The following SYNE1 variants were observed in gnomAD, a reference collection of about 807,000 sequenced individuals.
SYNE1 encodes nesprin-1.
Under a neutral mutation model 1,111.0 loss-of-function variants are expected in SYNE1, and 616 were observed. The observed-to-expected ratio is 0.55, with a 90% CI of 0.52 to 0.59. The LOEUF (loss-of-function observed/expected upper bound fraction) is 0.59, where lower values mean the gene tolerates loss of function less well. Among genes scored for constraint, SYNE1 ranks in the 20% least tolerant of loss-of-function variants. SYNE1 has a pLI of 0.00. For missense variants in SYNE1, 10,006 were observed against 10,417.0 expected, an observed-to-expected ratio of 0.96 and a Z score of 1.72; for synonymous variants, 3,855 against 3,825.8, an observed-to-expected ratio of 1.01 and a Z score of -0.28.
chr6:152,155,245 T>A (rs905579861), intron 132 of SYNE1: 36 of 572,168 alleles, frequency 6.3e-5, no homozygotes, highest in East Asian at 1.5e-4. Flanking sequence ...TTTATTTTTT[T>A]AAAAACACGT....
At chr6:152,218,436 T>TA (rs1401362691) in intron 120 of SYNE1, 33 bp from the exon 121 acceptor site, 1 of 1,541,176 alleles carries the variant, frequency 6.5e-7, no homozygotes, top group Non-Finnish European at 8.7e-7. Flanking sequence ...GGTATTTCAG[T>TA]TAAAAAAAAA....
chr6:152,459,210 T>G (rs1226080928), intron 21 of SYNE1, among the ~76,000 whole-genome samples: 3 of 152,216 alleles, frequency 2.0e-5, no homozygotes, highest in Non-Finnish European at 4.4e-5. Flanking sequence ...TCTAAATGAT[T>G]GTTTTTAGTG....
intron 76 of SYNE1, chr6:152,336,003 T>A (rs2153986857): frequency 6.6e-6 from 1 of 151,292 alleles, no homozygotes; most frequent in South Asian, 2.1e-4. Context: ...TCCTATATAT[T>A]TTAAATTATT....
In SYNE1 at chr6:152,190,359, C is replaced by T. The variant is rs141840591; in HGVS notation, c.23146-952G>A. On this transcript the variant is annotated intron_variant, in intron 127 of 145. Coordinates refer to ENST00000367255, the MANE Select transcript of SYNE1 (RefSeq NM_182961.4). ...TCTTGAACCCCCTCAAAGTCATCCA[C>T]GACAGCTGGAATCAACTTCTTCCAA... Among the ~76,000 whole-genome samples the T allele has an allele frequency of 2.4e-3, 369 of 152,314 alleles. 1 individual carries two copies. The highest frequency in any genetic ancestry group is 8.6e-3 in the African/African-American group (356 of 41,562).
At position 152,201,938 on chromosome 6, in the gene SYNE1, T is replaced by G; in HGVS notation, c.23031A>C (p.Lys7677Asn). The G allele has an allele frequency of 6.2e-7, 1 of 1,613,826 alleles. No individual in the cohort carries two copies. The highest frequency in any genetic ancestry group is 2.2e-5 in the East Asian group (1 of 44,872). The change falls in exon 127 of 146, where the codon AAA becomes AAC. Residue 7677 changes from lysine to asparagine, a missense_variant. This residue lies in a region of SYNE1 where 2,182 missense variants were observed against 2,287.8 expected (regional missense o/e 0.95). Coordinates refer to ENST00000367255, the MANE Select transcript of SYNE1 (RefSeq NM_182961.4). ...GGGAATCTGCTATTCCTTTCTCACATTTTTCCCAGTCCTATCATGGGAATA... is the reference window on the plus strand; with the variant it reads ...GGGAATCTGCTATTCCTTTCTCACAGTTTTCCCAGTCCTATCATGGGAATA... ...KLAFLLKDWE[K>N]CEKGIADSLE...
chr6:152,398,685 T>G lies in SYNE1; in HGVS notation c.7284A>C (p.Ala2428=), dbSNP rs886043162. 6.2e-7 allele frequency: 1 copy of G among 1,614,060 alleles called. No homozygotes were observed. The part of the protein sequence containing the change: ...FQEWFLGAKA[A]AKESSDRTGD... ...CGGTGCGATCTGATGATTCTTTTGC[T>G]GCTGCCTTTGCTCCCAAAAACCATT... Residue 2428 remains alanine, a synonymous_variant, in exon 49 of 146, where the codon GCA becomes GCC. Transcript: ENST00000367255.
intron 95 of SYNE1, among the ~76,000 whole-genome samples, chr6:152,292,128 A>G (rs1483782457): frequency 6.6e-6 from 1 of 152,206 alleles, no homozygotes; most frequent in Non-Finnish European, 1.5e-5. Context: ...CGCTGGCAAC[A>G]GAAAACTGAA....
At chr6:152,224,197 T>C (rs1443469581) in intron 117 of SYNE1, among the ~76,000 whole-genome samples, 1 of 152,162 alleles carries the variant, frequency 6.6e-6, no homozygotes, top group Non-Finnish European at 1.5e-5. Context: ...GCAGTGACAA[T>C]GAATCAAGGA....
At position 152,326,209 on chromosome 6, in the gene SYNE1, G is replaced by A. The variant is rs111613513; in HGVS notation, c.15293+87C>T. The A allele has an allele frequency of 1.4e-4, 231 of 1,610,584 alleles. No homozygotes were observed. The African/African-American group carries it at 1.8e-3, about 12-fold the overall frequency. ...GATACTCAGGGAAAAATGAATTTAC[G>A]TGCTAATGTATATCATTCGTGTATT... On this transcript the variant is annotated intron_variant, in intron 79 of 145. Coordinates refer to ENST00000367255, the MANE Select transcript of SYNE1 (RefSeq NM_182961.4).
At chr6:152,293,884 TG>T in intron 94 of SYNE1, 75 bp downstream of exon 94, 1 of 1,610,322 alleles carries the variant, frequency 6.2e-7, no homozygotes, top group Non-Finnish European at 8.5e-7. Flanking sequence ...GTAAACTCTC[TG>T]CATGTATTTC....
intron 11 of SYNE1, among the ~76,000 whole-genome samples, chr6:152,495,791 G>A (rs1479944706): frequency 6.6e-6 from 1 of 152,222 alleles, no homozygotes; most frequent in Admixed American, 6.5e-5. Flanking sequence ...AGCAGCAGGG[G>A]CCACGTGCAT....
intron 130 of SYNE1, among the ~76,000 whole-genome samples, chr6:152,174,144 A>T (rs576286295): frequency 6.6e-6 from 1 of 152,208 alleles, no homozygotes; most frequent in Admixed American, 6.5e-5. Context: ...AATATTAACT[A>T]GTTTAACTGG....
At chr6:152,611,793 C>CT (rs2099632057) in intron 3 of SYNE1, among the ~76,000 whole-genome samples, 1 of 152,118 alleles carries the variant, frequency 6.6e-6, no homozygotes, top group Non-Finnish European at 1.5e-5. Flanking sequence ...TCACAACAAA[C>CT]TGTCTCTCAG....
intron 93 of SYNE1, among the ~76,000 whole-genome samples, chr6:152,295,176 CT>C (rs1413028608): frequency 6.6e-6 from 1 of 152,188 alleles, no homozygotes; most frequent in Non-Finnish European, 1.5e-5. Context: ...ATCTTGCACA[CT>C]GGTTCACTCA....
intron 3 of SYNE1, among the ~76,000 whole-genome samples, chr6:152,580,422 A>T (rs573386829): frequency 6.0e-4 from 92 of 152,286 alleles, no homozygotes; most frequent in Non-Finnish European, 1.3e-3. Context: ...GATCTTTGTC[A>T]GATGCATGGT....
At chr6:152,156,137 G>T in intron 131 of SYNE1, 40 bp from the exon 132 acceptor site, 1 of 1,609,650 alleles carries the variant, frequency 6.2e-7, no homozygotes, top group South Asian at 1.1e-5. Flanking sequence ...ACAATTACAT[G>T]TATACAGATG....
At chr6:152,423,550 C>T (rs1377400763) in intron 39 of SYNE1, among the ~76,000 whole-genome samples, 2 of 152,176 alleles carry the variant, frequency 1.3e-5, no homozygotes, top group Non-Finnish European at 2.9e-5. Context: ...CAACAGCCTC[C>T]TAACTGGCTT....
At chr6:152,302,271 C>T in intron 91 of SYNE1, 2 of 651,282 alleles carry the variant, frequency 3.1e-6, no homozygotes, top group Non-Finnish European at 2.7e-6. Context: ...AGCCAAAGTG[C>T]CCGAGCCCGC....
rs371852372 is a variant in SYNE1 at position 152,281,834 on chromosome 6, G to C, written c.18354C>G (p.Asp6118Glu). 1 of 1,614,016 alleles carries C rather than the reference G, an allele frequency of 6.2e-7. No individual in the cohort carries two copies. The highest frequency in any genetic ancestry group is 1.3e-5 in the African/African-American group (1 of 74,926). The change falls in exon 97 of 146, where the codon GAC (aspartate) becomes GAG (glutamate). Residue 6118 changes from aspartate (D) to glutamate (E), a missense_variant. This residue lies in a region of SYNE1 where 99 missense variants were observed against 147.8 expected (regional missense o/e 0.67). Coordinates refer to ENST00000367255, the MANE Select transcript of SYNE1 (RefSeq NM_182961.4). ...TALSPPKEPMDMEAQLMDCQN... is the reference protein window; with the variant it reads ...TALSPPKEPMEMEAQLMDCQN... ...GGCAGTCCATAAGCTGGGCCTCCAT[G>C]TCCATGGGCTCCTTGGGTGGACTCA...
Sources: allele counts gnomAD v4.1 joint callset (sites outside exome capture counted in the v4.1 genomes callset), GRCh38; gene constraint gnomAD v4.1.1; regional missense constraint gnomAD v4.1.1; transcripts MANE v1.5; gene names NCBI Gene and HGNC (gene_info 2026-07-23, HGNC 2026-07-21).